ABCB11: variants seen among roughly 807,000 people sequenced by gnomAD.
The protein encoded by ABCB11 is ATP binding cassette subfamily B member 11.
Under a neutral mutation model 148.0 loss-of-function variants are expected in ABCB11, and 95 were observed. The ratio of observed to expected loss-of-function variants is 0.64; its 90% CI spans 0.54 to 0.76. The LOEUF is 0.76. Among genes scored for constraint, ABCB11 ranks in the 30% least tolerant of loss-of-function variants. The probability of loss-of-function intolerance (pLI) is 0.00; values close to 1 mark genes in which losing one functional copy is unlikely to be tolerated. For synonymous variants in ABCB11, 591 were observed against 555.4 expected (o/e 1.06, Z -0.90); for missense variants, 1,523 against 1,617.8 (o/e 0.94, Z 1.01).
chr2:169,028,141 C>T (rs964538976), intron 1 of ABCB11, among the ~76,000 whole-genome samples: 1 of 151,970 alleles, frequency 6.6e-6, no homozygotes, highest in African/African-American at 2.4e-5. Flanking sequence ...ATGTCAATCC[C>T]TGTACTGTGA....
chr2:168,949,788 C>T (rs853782), intron 19 of ABCB11, among the ~76,000 whole-genome samples: 83,716 of 151,194 alleles, frequency 0.55, 23,377 homozygotes, highest in South Asian at 0.68. Flanking sequence ...GTGAGGGTGT[C>T]GACAAAGGAG....
chr2:168,932,904 T>C (rs1444547140), intron 23 of ABCB11, among the ~76,000 whole-genome samples: 1 of 151,926 alleles, frequency 6.6e-6, no homozygotes, highest in Non-Finnish European at 1.5e-5. Flanking sequence ...GGTCAGAAGA[T>C]CGAGACCATC....
chr2:169,005,360 G>A (rs183830778), intron 5 of ABCB11, among the ~76,000 whole-genome samples: 8 of 152,162 alleles, frequency 5.3e-5, no homozygotes, highest in South Asian at 2.1e-4. Context: ...CTCCTTGGGC[G>A]GGGCTTGCTG....
In ABCB11 at chr2:168,993,778, C is replaced by T; in HGVS notation, c.716G>A (p.Trp239Ter). Residue 239 changes from tryptophan (W) to a stop codon, truncating the protein, a stop_gained, in exon 8 of 28, where the codon TGG becomes TAG. Coordinates refer to ENST00000650372, the MANE Select transcript of ABCB11 (RefSeq NM_003742.4). LOFTEE classifies it high-confidence loss of function. ...AGAAATAATAACCAAGGTCAGTTTC[C>T]AACCCCTGAAAAATCCCAACAGGAA... is the stretch of plus-strand genomic sequence containing the variant. ...CGFLLGFFRG[W>*]KLTLVIISVS... 1.2e-6 allele frequency: 2 copies of T among 1,610,986 alleles called. No homozygotes were observed. The highest frequency in any genetic ancestry group is 8.5e-7 in the Non-Finnish European group (1 of 1,178,440).
At position 168,957,994 on chromosome 2, in the gene ABCB11, C is replaced by T. The variant is rs771508744; in HGVS notation, c.2313G>A (p.Leu771=). The T allele has an allele frequency of 1.9e-6, 3 of 1,600,404 alleles. No individual in the cohort carries two copies. Among genetic ancestry groups the T allele is most frequent in the Middle Eastern group, 1.7e-4 (1 of 6,016 alleles). ...GAAVNGTVTP[L]YAFLFSQILG... ...GAATCTGGCTGAATAAAAAGGCATACAAGGGTGTGACTGTCCCGTTCACAG... is the reference window on the plus strand; with the variant it reads ...GAATCTGGCTGAATAAAAAGGCATATAAGGGTGTGACTGTCCCGTTCACAG... Residue 771 remains leucine, a synonymous_variant, in exon 19 of 28, where the codon TTG becomes TTA. Coordinates refer to ENST00000650372, the MANE Select transcript of ABCB11 (RefSeq NM_003742.4).
chr2:169,029,809 C>T (rs1000262873), intron 1 of ABCB11, among the ~76,000 whole-genome samples: 4 of 137,416 alleles, frequency 2.9e-5, no homozygotes, highest in Non-Finnish European at 6.1e-5. Flanking sequence ...GGCGCAATCT[C>T]GGCTCACTGC....
At chr2:168,962,874 A>G (rs1437797125) in intron 18 of ABCB11, among the ~76,000 whole-genome samples, 1 of 151,696 alleles carries the variant, frequency 6.6e-6, no homozygotes, top group Non-Finnish European at 1.5e-5. Flanking sequence ...TCTCACTGTG[A>G]TTCATCCTGC....
At chr2:169,015,300 C>A (rs1317026847) in intron 3 of ABCB11, among the ~76,000 whole-genome samples, 2 of 152,164 alleles carry the variant, frequency 1.3e-5, no homozygotes, top group African/African-American at 4.8e-5. Flanking sequence ...CTGGACACAA[C>A]CTCACCACCT....
intron 19 of ABCB11, among the ~76,000 whole-genome samples, chr2:168,949,524 G>C (rs755272664): frequency 1.3e-5 from 2 of 151,654 alleles, no homozygotes; most frequent in Non-Finnish European, 3.0e-5. Flanking sequence ...TGCTGCAAAA[G>C]ACATGATTTC....
At position 168,976,532 on chromosome 2, in the gene ABCB11, G is replaced by A. The variant is rs546649424; in HGVS notation, c.1308+45C>T. The A allele has an allele frequency of 1.9e-5, 22 of 1,168,978 alleles. No homozygotes were observed. In the East Asian group the frequency reaches 3.2e-4, roughly 17 times the overall value. The allele number at this position is 1,168,978 out of a possible 1,614,324, so 72.4% of individuals were successfully genotyped here. On this transcript the variant is annotated intron_variant, in intron 12 of 27. Coordinates refer to ENST00000650372, the MANE Select transcript of ABCB11 (RefSeq NM_003742.4). ...TTTGTGGTTATGCAAATAAATCATC[G>A]AAGAAGAAAACATTTACTATTCTGG...
At chr2:168,975,102 TAGATA>T (rs1306711582) in intron 12 of ABCB11, among the ~76,000 whole-genome samples, 11 of 87,222 alleles carry the variant, frequency 1.3e-4, no homozygotes, top group East Asian at 4.7e-4. Context: ...TAAATATTTA[TAGATA>T]AATGTATAAA....
chr2:169,016,175 T>G (rs942520061), intron 3 of ABCB11, among the ~76,000 whole-genome samples: 3 of 152,180 alleles, frequency 2.0e-5, no homozygotes, highest in Non-Finnish European at 4.4e-5. Context: ...CAGGCTGACC[T>G]GACCACTCCC....
intron 5 of ABCB11, among the ~76,000 whole-genome samples, chr2:169,010,416 C>A (rs535765007): frequency 1.3e-3 from 192 of 152,168 alleles, no homozygotes; most frequent in Non-Finnish European, 2.2e-3. Context: ...ATCTGGAAGG[C>A]TTTAACTTAA....
chr2:168,966,437 C>T (rs1240771445), intron 17 of ABCB11, among the ~76,000 whole-genome samples: 1 of 151,844 alleles, frequency 6.6e-6, no homozygotes, highest in Non-Finnish European at 1.5e-5. Context: ...TGTCATGAGG[C>T]CATGGGCAGT....
At chr2:168,985,114 A>T (rs1482826405) in intron 10 of ABCB11, among the ~76,000 whole-genome samples, 1 of 152,040 alleles carries the variant, frequency 6.6e-6, no homozygotes, top group Non-Finnish European at 1.5e-5. Flanking sequence ...TCAGAAGAAG[A>T]TACACAAATG....
chr2:168,976,856 C>G (rs1341293197), intron 11 of ABCB11, among the ~76,000 whole-genome samples, 169 bp from the exon 12 acceptor site: 1 of 150,612 alleles, frequency 6.6e-6, no homozygotes. Context: ...TTTATTGTGC[C>G]TCTTAGTTTG....
chr2:168,969,212 T>G, intron 16 of ABCB11, 138 bp downstream of exon 16: 1 of 753,372 alleles, frequency 1.3e-6, no homozygotes, highest in South Asian at 2.0e-5. Context: ...TGAGCTTCAG[T>G]TGTTTCCTTT....
At chr2:168,958,464 C>T (rs867256749) in intron 18 of ABCB11, among the ~76,000 whole-genome samples, 5 of 151,454 alleles carry the variant, frequency 3.3e-5, no homozygotes, top group South Asian at 2.1e-4. Flanking sequence ...ACCTTTGCTA[C>T]GGTTGTATTT....
At position 168,932,386 on chromosome 2, in the gene ABCB11, A is replaced by G. The variant is rs751126624; in HGVS notation, c.3204T>C (p.Gly1068=). 16 of 1,559,316 alleles carry G rather than the reference A, an allele frequency of 1.0e-5. No individual in the cohort carries two copies. The highest frequency in any genetic ancestry group is 1.2e-5 in the Non-Finnish European group (14 of 1,151,164). ...GTATTCCAACACTTACCCATTTTTC[A>G]CCTGCAGTATTGTATACACTGATTG... is the stretch of plus-strand genomic sequence containing the variant. ...QPPISVYNTA[G]EKWDNFQGKI... Residue 1068 remains glycine (G), a synonymous_variant, in exon 24 of 28, where the codon GGT becomes GGC. Coordinates refer to ENST00000650372, the MANE Select transcript of ABCB11 (RefSeq NM_003742.4).
Sources: allele counts gnomAD v4.1 joint callset (sites outside exome capture counted in the v4.1 genomes callset), GRCh38; gene constraint gnomAD v4.1.1; transcripts MANE v1.5; gene names NCBI Gene and HGNC (gene_info 2026-07-23, HGNC 2026-07-21).